The following ASAH2 variants were observed in gnomAD, a reference collection of about 807,000 sequenced individuals.
ASAH2 encodes N-acylsphingosine amidohydrolase 2.
ASAH2 carries 58 observed loss-of-function variants against 82.9 expected under a neutral mutation model. The observed-to-expected ratio is 0.70, with a 90% CI of 0.57 to 0.87. The LOEUF is 0.87. Among genes scored for constraint, ASAH2 ranks in the 40% least tolerant of loss-of-function variants. The pLI, the probability that ASAH2 is intolerant of heterozygous loss-of-function variation, is 0.00. For missense variants in ASAH2, 779 were observed against 834.0 expected (o/e 0.93, Z 0.81); for synonymous variants, 276 against 289.7 (o/e 0.95, Z 0.48).
At chr10:50,238,847 T>C (rs1846222886) in intron 4 of ASAH2, among the ~76,000 whole-genome samples, 1 of 152,118 alleles carries the variant, frequency 6.6e-6, no homozygotes, top group South Asian at 2.1e-4. Context: ...CTACAAACGG[T>C]ACACAGGAAT....
intron 12 of ASAH2, among the ~76,000 whole-genome samples, chr10:50,207,620 G>T (rs1845336806): frequency 8.2e-6 from 1 of 121,676 alleles, no homozygotes; most frequent in Non-Finnish European, 1.8e-5. Context: ...GACTCAAGAA[G>T]AAATAGGCAA....
intron 5 of ASAH2, among the ~76,000 whole-genome samples, chr10:50,235,137 GT>G (rs1400359218): frequency 1.3e-5 from 2 of 152,008 alleles, no homozygotes; most frequent in African/African-American, 4.8e-5. Flanking sequence ...TTTATGTAAT[GT>G]TTTTTGCAAT....
chr10:50,215,687 G>C (rs1017719429), intron 8 of ASAH2, among the ~76,000 whole-genome samples: 7 of 152,094 alleles, frequency 4.6e-5, no homozygotes, highest in Non-Finnish European at 7.4e-5. Flanking sequence ...GTACCATGCT[G>C]TTTTGGTTAC....
chr10:50,197,575 C>A (rs1417622091), intron 17 of ASAH2, among the ~76,000 whole-genome samples: 2 of 151,898 alleles, frequency 1.3e-5, no homozygotes, highest in East Asian at 3.9e-4. Context: ...GCTCTTTATT[C>A]CTCACATTAT....
intron 4 of ASAH2, among the ~76,000 whole-genome samples, chr10:50,236,288 A>T (rs1357210871): frequency 1.3e-5 from 2 of 152,184 alleles, no homozygotes; most frequent in Non-Finnish European, 2.9e-5. Context: ...GAAACTTATA[A>T]TCATGGCAGA....
intron 18 of ASAH2, among the ~76,000 whole-genome samples, chr10:50,193,834 A>G (rs1343811142): frequency 1.3e-5 from 2 of 151,946 alleles, no homozygotes; most frequent in African/African-American, 4.8e-5. Context: ...AAAGGATTAC[A>G]GGGGATTATC....
intron 7 of ASAH2, among the ~76,000 whole-genome samples, chr10:50,224,851 T>C (rs1845838661): frequency 6.6e-6 from 1 of 152,154 alleles, no homozygotes; most frequent in Non-Finnish European, 1.5e-5. Flanking sequence ...GGAAGGATTA[T>C]TGGGCCCAGA....
At chr10:50,205,435 AT>A (rs1262356001) in intron 13 of ASAH2, among the ~76,000 whole-genome samples, 1 of 151,846 alleles carries the variant, frequency 6.6e-6, no homozygotes, top group Non-Finnish European at 1.5e-5. Flanking sequence ...TCTTTCAAGA[AT>A]TTTAATAGGA....
chr10:50,243,073 G>T (rs1036539176), intron 4 of ASAH2, 129 bp downstream of exon 4: 4 of 1,055,294 alleles, frequency 3.8e-6, no homozygotes, highest in East Asian at 2.4e-5. Flanking sequence ...ATTGTCCAGA[G>T]CGTATAATAT....
At position 50,240,501 on chromosome 10, in the gene ASAH2, A is replaced by G; in HGVS notation, c.510+2701T>C. On this transcript the variant is annotated intron_variant, in intron 4 of 20. Coordinates refer to ENST00000682911, the MANE Select transcript of ASAH2 (RefSeq NM_019893.4). Reference sequence around the variant, plus strand: ...ACCTGCTTAATCATCCTAAAACAAAATGGTGTTTACATCACTCCGCCACTC... The same window carrying G: ...ACCTGCTTAATCATCCTAAAACAAAGTGGTGTTTACATCACTCCGCCACTC... 3 of 702,242 alleles carry G rather than the reference A, an allele frequency of 4.3e-6. No homozygotes were observed. The South Asian group carries it at 4.4e-5, about 10-fold the overall frequency. 43.5% of individuals were successfully genotyped at this position (702,242 alleles called of 1,614,324 possible).
chr10:50,244,042 T>C (rs941881006), intron 3 of ASAH2, among the ~76,000 whole-genome samples: 2 of 152,174 alleles, frequency 1.3e-5, no homozygotes, highest in East Asian at 3.9e-4. Flanking sequence ...TATGAAAATA[T>C]GTTGCAAGGG....
chr10:50,233,403 T>C (rs1358513572), intron 6 of ASAH2, 142 bp from the exon 7 acceptor site: 3 of 667,380 alleles, frequency 4.5e-6, no homozygotes, highest in Admixed American at 2.5e-5. Flanking sequence ...CTGTGAACTG[T>C]ATCCAGTACC....
chr10:50,217,572 G>T (rs981442471), intron 8 of ASAH2, among the ~76,000 whole-genome samples: 6 of 152,112 alleles, frequency 3.9e-5, no homozygotes, highest in Admixed American at 1.3e-4. Flanking sequence ...AATATTCTGA[G>T]AAAATTTTTA....
At chr10:50,227,725 A>T (rs2133220251) in intron 7 of ASAH2, among the ~76,000 whole-genome samples, 1 of 152,288 alleles carries the variant, frequency 6.6e-6, no homozygotes, top group South Asian at 2.1e-4. Flanking sequence ...TCTCCAGCCA[A>T]CTATTTTTTT....
chr10:50,248,198 T>C (rs557694994), intron 2 of ASAH2, among the ~76,000 whole-genome samples: 6 of 152,218 alleles, frequency 3.9e-5, no homozygotes, highest in Non-Finnish European at 7.3e-5. Context: ...CTGCCATTAC[T>C]AGACCTTGAC....
At chr10:50,201,904 G>T (rs1338434825) in intron 16 of ASAH2, among the ~76,000 whole-genome samples, 1 of 152,120 alleles carries the variant, frequency 6.6e-6, no homozygotes, top group Non-Finnish European at 1.5e-5. Flanking sequence ...TTCTAGACCT[G>T]CAATCACTGT....
At chr10:50,213,784 C>A (rs932377195) in intron 9 of ASAH2, among the ~76,000 whole-genome samples, 60 of 152,042 alleles carry the variant, frequency 3.9e-4, no homozygotes, top group African/African-American at 1.3e-3. Context: ...AAAACTAAGA[C>A]TTTAATATAT....
Position 50,245,322 on chromosome 10 carries a change from A to AC in ASAH2, c.259dup (p.Val87GlyfsTer24). 5 of 1,614,044 alleles carry AC rather than the reference A, an allele frequency of 3.1e-6. No individual in the cohort carries two copies. The highest frequency in any genetic ancestry group is 4.2e-6 in the Non-Finnish European group (5 of 1,179,992). Reference sequence around the variant, plus strand: ...TAGAGGAGACTCTGGGGTTAAAGGCACTGGAGAAGTTTGAGTGGCTGTGGA... The same window carrying AC: ...TAGAGGAGACTCTGGGGTTAAAGGCACCTGGAGAAGTTTGAGTGGCTGTGGA... On this transcript the variant is annotated frameshift_variant, in exon 3 of 21. Transcript: ENST00000682911. LOFTEE classifies it high-confidence loss of function.
At chr10:50,239,679 T>A (rs1346112044) in intron 4 of ASAH2, among the ~76,000 whole-genome samples, 8 of 152,238 alleles carry the variant, frequency 5.3e-5, no homozygotes, top group Non-Finnish European at 1.0e-4. Context: ...ATCTGTCAAA[T>A]GACATAATAA....
Sources: gnomAD v4.1 joint callset for allele counts (sites outside exome capture counted in the v4.1 genomes callset) on GRCh38, gnomAD v4.1.1 for gene constraint, MANE v1.5 for transcripts, NCBI Gene and HGNC (gene_info 2026-07-23, HGNC 2026-07-21) for gene names.